The following SMARCAL1 variants were observed in gnomAD, a reference collection of about 807,000 sequenced individuals.
SMARCAL1 encodes SNF2 related chromatin remodeling annealing helicase 1, also known as ATP-driven annealing helicase.
Under a neutral mutation model 94.5 loss-of-function variants are expected in SMARCAL1, and 58 were observed. That is an observed-to-expected ratio of 0.61 (90% CI 0.50 to 0.76). SMARCAL1 has a LOEUF of 0.76. Ranked by LOEUF, SMARCAL1 falls within the 30% of genes least tolerant of loss-of-function variation. SMARCAL1 has a pLI of 0.00. For missense variants in SMARCAL1, 1,051 were observed against 1,177.9 expected (o/e 0.89, Z 1.58); for synonymous variants, 422 against 455.1 (o/e 0.93, Z 0.93).
chr2:216,439,123 T>C (rs1281459210), intron 10 of SMARCAL1, among the ~76,000 whole-genome samples: 2 of 152,166 alleles, frequency 1.3e-5, no homozygotes, highest in Admixed American at 1.3e-4. Context: ...TGTGGTGGCC[T>C]AAACTCATTT....
At chr2:216,416,173 T>G in intron 3 of SMARCAL1, 84 bp from the exon 4 acceptor site, 1 of 1,178,864 alleles carries the variant, frequency 8.5e-7, no homozygotes, top group South Asian at 1.2e-5. Context: ...TTGGCGTCCT[T>G]CATTCATTCA....
Position 216,450,979 on chromosome 2 carries a change from T to C in SMARCAL1, c.1985T>C (p.Val662Ala), listed in dbSNP as rs749447889. The C allele has an allele frequency of 1.9e-6, 3 of 1,614,176 alleles. No individual in the cohort carries two copies. The highest frequency in any genetic ancestry group is 2.5e-6 in the Non-Finnish European group (3 of 1,180,026). The change falls in exon 12 of 18, where the codon GTG (valine) becomes GCG (alanine). Residue 662 changes from valine (V) to alanine (A), a missense_variant. Val to Ala is a moderately conservative substitution (Grantham distance 64, BLOSUM62 0). Transcript: ENST00000357276. ...CTGCCTGCCAAGCAGCGCAAGATAG[T>C]GGTGATTGCCCCAGGACGGATCAAT... ...SQLPAKQRKI[V>A]VIAPGRINAR... is the part of the protein sequence containing the mutation.
rs865906391 is a variant in SMARCAL1 at position 216,438,456 on chromosome 2, C to T, written c.1681C>T (p.Arg561Cys). The stretch of plus-strand genomic sequence containing the variant: ...CTTCCTCAAAAACAGTAGGACTGCC[C>T]GCTGTCGAGCAGCTATGCCGGTCCT... The part of the protein sequence containing the change: ...SHFLKNSRTA[R>C]CRAAMPVLKV... The change falls in exon 10 of 18, where the codon CGC becomes TGC. Residue 561 changes from arginine to cysteine, a missense_variant. Physicochemically the swap from Arg to Cys is radical, Grantham distance 180 (BLOSUM62 -3). This residue lies in a region of SMARCAL1 where 642 missense variants were observed against 754.7 expected (regional missense o/e 0.85). Coordinates refer to ENST00000357276, the MANE Select transcript of SMARCAL1 (RefSeq NM_014140.4). The T allele has an allele frequency of 2.5e-6, 4 of 1,614,030 alleles. No homozygotes were observed. The highest frequency in any genetic ancestry group is 2.2e-5 in the South Asian group (2 of 91,036).
intron 8 of SMARCAL1, 67 bp downstream of exon 8, chr2:216,432,935 T>C (rs1693998704): frequency 6.3e-7 from 1 of 1,592,206 alleles, no homozygotes; most frequent in Admixed American, 1.7e-5. Context: ...CATAAAATAA[T>C]GGTTTGCAGA....
intron 10 of SMARCAL1, among the ~76,000 whole-genome samples, chr2:216,439,390 G>A (rs1395266908): frequency 6.6e-6 from 1 of 151,972 alleles, no homozygotes; most frequent in African/African-American, 2.4e-5. Flanking sequence ...TAGAAAAGTA[G>A]CCTTTTCTCT....
chr2:216,451,215 T>G, intron 12 of SMARCAL1, 151 bp downstream of exon 12: 2 of 710,126 alleles, frequency 2.8e-6, no homozygotes, highest in Non-Finnish European at 5.1e-6. Flanking sequence ...GTCCATTTCA[T>G]TCCTCAGCCT....
intron 14 of SMARCAL1, among the ~76,000 whole-genome samples, chr2:216,473,354 C>T (rs1452031873): frequency 1.3e-5 from 2 of 149,958 alleles, no homozygotes; most frequent in African/African-American, 2.5e-5. Context: ...AGTGTTCACT[C>T]CTTGGTTTTC....
At position 216,482,969 on chromosome 2, in the gene SMARCAL1, C is replaced by T. The variant is rs761378834; in HGVS notation, c.2857C>T (p.Pro953Ser). The change falls in exon 18 of 18, where the codon CCC becomes TCC. Residue 953 changes from proline (P) to serine (S), a missense_variant. By Grantham distance (74) the Pro-to-Ser change is moderately conservative (BLOSUM62 -1). Around this residue, in one of 3 missense-constraint regions of SMARCAL1, gnomAD observed 642 missense variants for 754.7 expected, o/e 0.85. Coordinates refer to ENST00000357276, the MANE Select transcript of SMARCAL1 (RefSeq NM_014140.4). This position sits in a 1 kb window ranked among gnomAD's most constrained non-coding sequence, Gnocchi z 4.3. Reference protein sequence around the residue: ...FFDNWDSFTSPL With the variant: ...FFDNWDSFTSSL ...TGATAACTGGGACAGCTTTACGTCTCCCCTGTAAAAGGGGCAAAAAGAAAA... is the reference window on the plus strand; with the variant it reads ...TGATAACTGGGACAGCTTTACGTCTTCCCTGTAAAAGGGGCAAAAAGAAAA... 2.5e-6 allele frequency: 4 copies of T among 1,613,644 alleles called. No individual in the cohort carries two copies. Among genetic ancestry groups the T allele is most frequent in the Non-Finnish European group, 2.5e-6 (3 of 1,179,920 alleles).
intron 12 of SMARCAL1, among the ~76,000 whole-genome samples, chr2:216,453,674 G>A (rs1452458572): frequency 6.6e-6 from 1 of 152,150 alleles, no homozygotes; most frequent in Non-Finnish European, 1.5e-5. Flanking sequence ...GTTGAATAAG[G>A]AGGCCCTGTG....
chr2:216,464,709 C>CAAAAAAA, intron 13 of SMARCAL1, 42 bp downstream of exon 13: 1 of 813,258 alleles, frequency 1.2e-6, no homozygotes. Context: ...CTCTCATCTT[C>CAAAAAAA]AAAAAAAAAA....
chr2:216,451,259 T>G, intron 12 of SMARCAL1, 195 bp downstream of exon 12: 1 of 616,384 alleles, frequency 1.6e-6, no homozygotes, highest in Non-Finnish European at 2.9e-6. Flanking sequence ...CATATTAAGT[T>G]GTGGTTTTAT....
At chr2:216,465,386 A>T (rs1694810413) in intron 13 of SMARCAL1, among the ~76,000 whole-genome samples, 1 of 152,194 alleles carries the variant, frequency 6.6e-6, no homozygotes, top group Admixed American at 6.5e-5. Flanking sequence ...GGAAAAAAAA[A>T]TTAGAAGGAA....
At position 216,415,147 on chromosome 2, in the gene SMARCAL1, C is replaced by T. The variant is rs1404591296; in HGVS notation, c.443C>T (p.Ala148Val). The T allele has an allele frequency of 6.2e-7, 1 of 1,612,534 alleles. No individual in the cohort carries two copies. The highest frequency in any genetic ancestry group is 8.5e-7 in the Non-Finnish European group (1 of 1,179,026). ...AGTTATGAGTTAGGTCAAGGTCATGCTCAGGCTTCACCTGAGATCAGGTTC... is the reference window on the plus strand; with the variant it reads ...AGTTATGAGTTAGGTCAAGGTCATGTTCAGGCTTCACCTGAGATCAGGTTC... The part of the protein sequence containing the change: ...LLSYELGQGH[A>V]QASPEIRFTP... The change falls in exon 3 of 18, where the codon GCT becomes GTT. Residue 148 changes from alanine to valine, a missense_variant. This residue lies in a region of SMARCAL1 where 398 missense variants were observed against 395.2 expected (regional missense o/e 1.01). Coordinates refer to ENST00000357276, the MANE Select transcript of SMARCAL1 (RefSeq NM_014140.4).
chr2:216,446,904 C>A (rs779352391), intron 10 of SMARCAL1, 114 bp from the exon 11 acceptor site: 24 of 1,222,110 alleles, frequency 2.0e-5, no homozygotes, highest in Middle Eastern at 1.9e-4. Flanking sequence ...GTTCTCGCGA[C>A]ACGCACGCGG....
At position 216,447,074 on chromosome 2, in the gene SMARCAL1, G is replaced by A. The variant is rs2106050314; in HGVS notation, c.1767G>A (p.Glu589=). 2 of 1,614,046 alleles carry A rather than the reference G, an allele frequency of 1.2e-6. No individual in the cohort carries two copies. Among genetic ancestry groups the A allele is most frequent in the Non-Finnish European group, 1.7e-6 (2 of 1,180,026 alleles). ...CACCAGCCATGTCCCGGCCCGCAGA[G>A]CTCTACACGCAGATCATCGCAGTCA... The part of the protein sequence containing the change: ...SGTPAMSRPA[E]LYTQIIAVKP... The change falls in exon 11 of 18, where the codon GAG becomes GAA. Residue 589 remains glutamate, a synonymous_variant. Transcript: ENST00000357276.
intron 12 of SMARCAL1, among the ~76,000 whole-genome samples, chr2:216,454,234 A>G (rs1158541517): frequency 6.6e-6 from 1 of 152,246 alleles, no homozygotes; most frequent in Non-Finnish European, 1.5e-5. Context: ...AAGAAGTAAG[A>G]TCATTAATAG....
chr2:216,445,877 C>T lies in SMARCAL1; in HGVS notation c.1711-1141C>T, dbSNP rs1286112719. Among the ~76,000 whole-genome samples the T allele has an allele frequency of 2.6e-5, 4 of 152,128 alleles. No individual in the cohort carries two copies. The East Asian group carries it at 7.7e-4, about 29-fold the overall frequency. On this transcript the variant is annotated intron_variant, in intron 10 of 17. Coordinates refer to ENST00000357276, the MANE Select transcript of SMARCAL1 (RefSeq NM_014140.4). ...AGAATGATTTTTCTTTTCACTGTTG[C>T]ACCTTTATTTATTTATTTTTATGAG...
At chr2:216,434,991 T>C (rs553937758) in intron 8 of SMARCAL1, among the ~76,000 whole-genome samples, 4 of 151,836 alleles carry the variant, frequency 2.6e-5, no homozygotes, top group African/African-American at 9.7e-5. Flanking sequence ...TCCGAGTAGC[T>C]GGGATTACAG....
chr2:216,435,261 T>G, intron 8 of SMARCAL1, 77 bp from the exon 9 acceptor site: 133 of 1,495,666 alleles, frequency 8.9e-5, no homozygotes, highest in East Asian at 1.4e-4. Flanking sequence ...TTGATGGGCA[T>G]GAGACTGCTG....
Sources: gnomAD v4.1 joint callset for allele counts (sites outside exome capture counted in the v4.1 genomes callset) on GRCh38, gnomAD v4.1.1 for gene constraint, gnomAD v4.1.1 regional missense constraint, Gnocchi (gnomAD v3.1) non-coding constraint, MANE v1.5 for transcripts, NCBI Gene and HGNC (gene_info 2026-07-23, HGNC 2026-07-21) for gene names.